The following PPM1L variants were observed in gnomAD, a reference collection of about 807,000 sequenced individuals.
PPM1L encodes protein phosphatase 1L.
In PPM1L, 13 loss-of-function variants were observed where a neutral mutation model predicts 31.4. The ratio of observed to expected loss-of-function variants is 0.41; its 90% CI spans 0.27 to 0.66. The LOEUF (loss-of-function observed/expected upper bound fraction) is 0.66. Ranked by LOEUF, PPM1L falls within the 30% of genes least tolerant of loss-of-function variation. The pLI is 0.29. For synonymous variants in PPM1L, 184 were observed against 175.4 expected (o/e 1.05, Z -0.39); for missense variants, 326 against 453.7 (o/e 0.72, Z 2.56).
intron 1 of PPM1L, among the ~76,000 whole-genome samples, chr3:160,843,992 ATTG>A (rs1713992458): frequency 6.6e-6 from 1 of 152,172 alleles, no homozygotes; most frequent in Non-Finnish European, 1.5e-5. Context: ...CTCATCAGCT[ATTG>A]TTAATGTAGT....
intron 1 of PPM1L, among the ~76,000 whole-genome samples, chr3:160,803,544 A>G (rs1712501134): frequency 7.7e-6 from 1 of 130,446 alleles, no homozygotes. Flanking sequence ...TTTTTGCACA[A>G]ATAATTTCTG....
chr3:160,897,973 T>C (rs539993310), intron 1 of PPM1L, among the ~76,000 whole-genome samples: 1 of 152,338 alleles, frequency 6.6e-6, no homozygotes, highest in African/African-American at 2.4e-5. Flanking sequence ...AACAGTGATG[T>C]TTTAATATAT....
chr3:160,944,074 T>C (rs4679924), intron 1 of PPM1L, among the ~76,000 whole-genome samples: 55,802 of 151,924 alleles, frequency 0.37, 12,875 homozygotes, highest in Non-Finnish European at 0.52. Flanking sequence ...ACTATTTGGG[T>C]ATAGGACATA....
intron 1 of PPM1L, among the ~76,000 whole-genome samples, chr3:160,786,799 C>A (rs1231195449): frequency 6.6e-6 from 1 of 152,008 alleles, no homozygotes; most frequent in Non-Finnish European, 1.5e-5. Context: ...TTATTAGTGT[C>A]CATGTGTACT....
chr3:160,986,233 A>G (rs1208057333), intron 2 of PPM1L, among the ~76,000 whole-genome samples: 1 of 152,204 alleles, frequency 6.6e-6, no homozygotes, highest in Non-Finnish European at 1.5e-5. Context: ...TCATTAACCC[A>G]CTTTTGCTAC....
chr3:160,911,671 G>A (rs1457852518), intron 1 of PPM1L, among the ~76,000 whole-genome samples: 1 of 152,172 alleles, frequency 6.6e-6, no homozygotes, highest in African/African-American at 2.4e-5. Context: ...TACTAGCATT[G>A]CCTTCTAGCC....
At chr3:160,867,196 A>G (rs1712122596) in intron 1 of PPM1L, among the ~76,000 whole-genome samples, 1 of 152,188 alleles carries the variant, frequency 6.6e-6, no homozygotes, top group African/African-American at 2.4e-5. Context: ...ATATGGAGTT[A>G]CTGGAAATTA....
At chr3:160,965,183 G>A (rs1287156925) in intron 2 of PPM1L, among the ~76,000 whole-genome samples, 5 of 151,692 alleles carry the variant, frequency 3.3e-5, no homozygotes, top group Non-Finnish European at 5.9e-5. Flanking sequence ...CCCAGGAGGC[G>A]GAGCTTGCAG....
At chr3:160,801,130 C>G (rs1269922939) in intron 1 of PPM1L, among the ~76,000 whole-genome samples, 52 of 35,376 alleles carry the variant, frequency 1.5e-3, no homozygotes, top group African/African-American at 0.014. Context: ...TTTAGTGATA[C>G]ACACACACAC....
intron 1 of PPM1L, among the ~76,000 whole-genome samples, chr3:160,885,886 A>T (rs540525594): frequency 9.4e-4 from 143 of 152,312 alleles, no homozygotes; most frequent in African/African-American, 3.2e-3. Flanking sequence ...TGTGTAAGCC[A>T]TGTGAGCTCC....
chr3:160,819,253 C>G (rs1487356545), intron 1 of PPM1L, among the ~76,000 whole-genome samples: 3 of 151,928 alleles, frequency 2.0e-5, no homozygotes, highest in Non-Finnish European at 4.4e-5. Flanking sequence ...GTAAGACACC[C>G]TGAAATGTGT....
At chr3:160,981,614 T>G (rs1034031348) in intron 2 of PPM1L, among the ~76,000 whole-genome samples, 5 of 152,098 alleles carry the variant, frequency 3.3e-5, no homozygotes, top group African/African-American at 1.2e-4. Context: ...TACTAGGAGA[T>G]GGAGATCATT....
intron 1 of PPM1L, among the ~76,000 whole-genome samples, chr3:160,944,856 A>G (rs373932241): frequency 0.64 from 28,883 of 45,114 alleles, 10,707 homozygotes; most frequent in Non-Finnish European, 0.77. Context: ...TATAACATAT[A>G]TTATATATAA....
At chr3:161,063,005 A>G (rs1009413294) in intron 2 of PPM1L, among the ~76,000 whole-genome samples, 1 of 152,198 alleles carries the variant, frequency 6.6e-6, no homozygotes, top group Non-Finnish European at 1.5e-5. Flanking sequence ...AGAGAGTCCT[A>G]TAGAGAGAGG....
chr3:160,864,689 TG>T (rs1157775049), intron 1 of PPM1L, among the ~76,000 whole-genome samples: 2 of 152,240 alleles, frequency 1.3e-5, no homozygotes, highest in Non-Finnish European at 2.9e-5. Flanking sequence ...ATAAGTCTTG[TG>T]GTCATGGATA....
intron 1 of PPM1L, chr3:160,842,281 G>C: frequency 1.4e-6 from 1 of 702,598 alleles, no homozygotes; most frequent in South Asian, 1.5e-5. Context: ...GAACATGCCT[G>C]CTTTTTCAAC....
At chr3:160,838,760 G>A (rs1003849082) in intron 1 of PPM1L, among the ~76,000 whole-genome samples, 2 of 152,122 alleles carry the variant, frequency 1.3e-5, no homozygotes, top group South Asian at 4.2e-4. Context: ...AGTAAGAGTT[G>A]CCAGTGGATA....
intron 1 of PPM1L, among the ~76,000 whole-genome samples, chr3:160,886,994 A>G (rs1231975715): frequency 6.6e-6 from 1 of 152,028 alleles, no homozygotes; most frequent in Non-Finnish European, 1.5e-5. Flanking sequence ...AACTAGAATA[A>G]CCAGTTTAGA....
chr3:160,870,901 G>A (rs1712281351), intron 1 of PPM1L, among the ~76,000 whole-genome samples: 1 of 152,184 alleles, frequency 6.6e-6, no homozygotes, highest in African/African-American at 2.4e-5. Context: ...GGCTGTGTGG[G>A]AAAGAGTAGT....
Sources: allele counts gnomAD v4.1 joint callset (sites outside exome capture counted in the v4.1 genomes callset), GRCh38; gene constraint gnomAD v4.1.1; transcripts MANE v1.5; gene names NCBI Gene and HGNC (gene_info 2026-07-23, HGNC 2026-07-21).